BMPR1B: variants seen among roughly 807,000 people sequenced by gnomAD.
The protein encoded by BMPR1B is bone morphogenetic protein receptor type 1B.
In BMPR1B, 12 loss-of-function variants were observed where a neutral mutation model predicts 59.1. That is an observed-to-expected ratio of 0.20 (90% CI 0.13 to 0.33). The LOEUF (loss-of-function observed/expected upper bound fraction) is 0.33, where lower values mean the gene tolerates loss of function less well. Among genes scored for constraint, BMPR1B ranks in the 10% least tolerant of loss-of-function variants. The pLI is 1.00. For synonymous variants in BMPR1B, 237 were observed against 207.3 expected (o/e 1.14, Z -1.23); for missense variants, 550 against 610.9 (o/e 0.90, Z 1.05).
intron 1 of BMPR1B, among the ~76,000 whole-genome samples, chr4:94,839,323 T>G (rs1211184530): frequency 2.1e-5 from 3 of 142,066 alleles, no homozygotes; most frequent in African/African-American, 7.9e-5. Flanking sequence ...CTTGTTGACT[T>G]TCTGTCTCGT....
chr4:95,092,033 T>C (rs184346222), intron 3 of BMPR1B, among the ~76,000 whole-genome samples: 108 of 152,222 alleles, frequency 7.1e-4, no homozygotes, highest in African/African-American at 2.5e-3. Flanking sequence ...TTGTGAATTC[T>C]TTTACTATTA....
rs183043893 is a variant in BMPR1B, at chr4:95,001,781, G to A, written c.-18+5647G>A. 3.9e-4 allele frequency among the ~76,000 whole-genome samples: 59 copies of A among 151,848 alleles called. No homozygotes were observed. In the East Asian group the frequency reaches 0.01, roughly 27 times the overall value. ...GATTCTTTTAAAAATTTAAATAATC[G>A]AAGACGTAGAGGGGGGCAAAACAAG... On this transcript the variant is annotated intron_variant, in intron 3 of 12. Transcript: ENST00000515059.
chr4:95,040,251 G>A (rs996333976), intron 3 of BMPR1B, among the ~76,000 whole-genome samples: 7 of 152,014 alleles, frequency 4.6e-5, no homozygotes, highest in African/African-American at 1.7e-4. Flanking sequence ...ATTTTCATAT[G>A]GTGTATGGAG....
At chr4:95,149,688 C>A (rs1360858962) in intron 11 of BMPR1B, among the ~76,000 whole-genome samples, 1 of 152,148 alleles carries the variant, frequency 6.6e-6, no homozygotes, top group Non-Finnish European at 1.5e-5. Context: ...CATTAAAAAA[C>A]CTTGATGCTG....
Position 95,154,698 on chromosome 4 carries a change from T to C in BMPR1B, c.*25T>C. 6.2e-7 allele frequency: 1 copy of C among 1,613,584 alleles called. No homozygotes were observed. Among genetic ancestry groups the C allele is most frequent in the Non-Finnish European group, 8.5e-7 (1 of 1,179,610 alleles). On this transcript the variant is annotated 3_prime_UTR_variant, in exon 13 of 13. Coordinates refer to ENST00000515059, the MANE Select transcript of BMPR1B (RefSeq NM_001203.3). ...ATAGGAGAGGAAAAGTAAGCATCTC[T>C]GCAGAAAGCCAACAGGTACTCTTCT...
intron 1 of BMPR1B, among the ~76,000 whole-genome samples, chr4:94,791,146 G>A (rs1468012998): frequency 5.3e-5 from 8 of 151,852 alleles, no homozygotes; most frequent in Non-Finnish European, 1.2e-4. Flanking sequence ...GTACCACCAC[G>A]CCCACCTAAT....
At chr4:94,897,115 TAAG>T (rs1727616988) in intron 2 of BMPR1B, among the ~76,000 whole-genome samples, 1 of 151,980 alleles carries the variant, frequency 6.6e-6, no homozygotes, top group Non-Finnish European at 1.5e-5. Flanking sequence ...AGCTCTCTGA[TAAG>T]AAGAGCTGCC....
At chr4:94,915,004 CA>C in intron 2 of BMPR1B, among the ~76,000 whole-genome samples, 1 of 152,072 alleles carries the variant, frequency 6.6e-6, no homozygotes, top group Non-Finnish European at 1.5e-5. Context: ...AAATTTTGAT[CA>C]TTCAGAATTT....
chr4:95,085,534 A>T (rs879795612), intron 3 of BMPR1B, among the ~76,000 whole-genome samples: 11 of 152,196 alleles, frequency 7.2e-5, no homozygotes, highest in Non-Finnish European at 1.3e-4. Flanking sequence ...TTCTGCACAT[A>T]AACTCAAGTA....
At chr4:94,957,343 T>TG (rs1290642617) in intron 2 of BMPR1B, among the ~76,000 whole-genome samples, 1 of 142,682 alleles carries the variant, frequency 7.0e-6, no homozygotes, top group Non-Finnish European at 1.5e-5. Context: ...GTTTTTTTTT[T>TG]TTTTTTTTTT....
chr4:94,976,332 A>G (rs1731032267), intron 2 of BMPR1B, among the ~76,000 whole-genome samples: 4 of 152,232 alleles, frequency 2.6e-5, no homozygotes, highest in East Asian at 1.9e-4. Flanking sequence ...CATTTATGCC[A>G]TGGTCAGAAA....
In BMPR1B at chr4:95,155,805, G is replaced by T. The variant is rs1735381949; in HGVS notation, c.*1132G>T. 1.3e-5 allele frequency: 2 copies of T among 152,098 alleles called. No individual in the cohort carries two copies. Among genetic ancestry groups the T allele is most frequent in the Non-Finnish European group, 2.9e-5 (2 of 68,018 alleles). The allele number at this position is 152,098 out of a possible 1,614,324, so 9.4% of individuals were successfully genotyped here. ...GTTATTGTCTGTCTGTTTTGTATGT[G>T]TCTGAGATAAGGGATAGAGAGGAAA... On this transcript the variant is annotated 3_prime_UTR_variant, in exon 13 of 13. Coordinates refer to ENST00000515059, the MANE Select transcript of BMPR1B (RefSeq NM_001203.3).
At chr4:95,055,587 TGTG>T (rs1394050701) in intron 3 of BMPR1B, among the ~76,000 whole-genome samples, 1 of 152,210 alleles carries the variant, frequency 6.6e-6, no homozygotes, top group Non-Finnish European at 1.5e-5. Flanking sequence ...AACTGCAAGT[TGTG>T]GTGAGCATCA....
At chr4:94,999,512 G>T (rs1182498341) in intron 3 of BMPR1B, among the ~76,000 whole-genome samples, 1 of 151,906 alleles carries the variant, frequency 6.6e-6, no homozygotes, top group African/African-American at 2.4e-5. Flanking sequence ...GAGTCAAAAT[G>T]ATATTGGTTA....
chr4:94,778,485 C>T (rs1722465832), intron 1 of BMPR1B, among the ~76,000 whole-genome samples: 2 of 152,060 alleles, frequency 1.3e-5, no homozygotes, highest in South Asian at 2.1e-4. Flanking sequence ...CCATTTACTT[C>T]CTGATAGGGT....
chr4:95,093,043 A>G (rs1042464311), intron 3 of BMPR1B, among the ~76,000 whole-genome samples: 7 of 152,148 alleles, frequency 4.6e-5, no homozygotes, highest in African/African-American at 1.7e-4. Context: ...CTTTTCTAAC[A>G]ATGTGGAGCT....
intron 2 of BMPR1B, among the ~76,000 whole-genome samples, chr4:94,930,297 TA>T (rs1729050953): frequency 6.6e-6 from 1 of 152,092 alleles, no homozygotes. Context: ...TCTGGTTGCA[TA>T]TGTCACCACA....
intron 3 of BMPR1B, among the ~76,000 whole-genome samples, chr4:95,041,190 T>G (rs1259202888): frequency 6.6e-6 from 1 of 151,972 alleles, no homozygotes; most frequent in Non-Finnish European, 1.5e-5. Flanking sequence ...AGGAATACAG[T>G]CGTGCACCAC....
intron 2 of BMPR1B, among the ~76,000 whole-genome samples, chr4:94,982,227 A>G (rs1721120636): frequency 6.6e-6 from 1 of 152,184 alleles, no homozygotes; most frequent in Non-Finnish European, 1.5e-5. Flanking sequence ...GCATTTCAAG[A>G]ATTGCTTTCA....
Sources: allele counts gnomAD v4.1 joint callset (sites outside exome capture counted in the v4.1 genomes callset), GRCh38; gene constraint gnomAD v4.1.1; transcripts MANE v1.5; gene names NCBI Gene and HGNC (gene_info 2026-07-23, HGNC 2026-07-21).